Variants in MCF2L observed in about 807,000 individuals in gnomAD.
MCF2L encodes the protein MCF.2 cell line derived transforming sequence like.
A neutral mutation model predicts 153.4 loss-of-function variants in MCF2L; 97 were observed. That is an observed-to-expected ratio of 0.63 (90% CI 0.54 to 0.75). The LOEUF (loss-of-function observed/expected upper bound fraction) is 0.75, where lower values mean the gene tolerates loss of function less well. MCF2L is among the 30% of genes least tolerant of loss of function. The pLI is 0.00. For synonymous variants in MCF2L, 659 were observed against 632.2 expected (o/e 1.04, Z -0.64); for missense variants, 1,347 against 1,495.2 (o/e 0.90, Z 1.64).
At chr13:113,049,197 G>A (rs546784692) in intron 4 of MCF2L, among the ~76,000 whole-genome samples, 3 of 152,316 alleles carry the variant, frequency 2.0e-5, no homozygotes, top group East Asian at 1.9e-4. Context: ...GGCAGGAGGC[G>A]GGCAGTGGTG....
chr13:112,906,688 T>G (rs758588605), intron 2 of MCF2L, among the ~76,000 whole-genome samples: 91 of 152,222 alleles, frequency 6.0e-4, no homozygotes, highest in Non-Finnish European at 1.1e-3. Context: ...TTGTTCAGCC[T>G]CTTTGGAAGG....
Position 112,904,092 on chromosome 13 carries a change from G to A in MCF2L, c.169+1721G>A, listed in dbSNP as rs76319942. The stretch of plus-strand genomic sequence containing the variant: ...GCCTTTCCCTGAGCGCCCAAGTCTC[G>A]CGTGGACCAGCTCTGGGGACTGAGG... On this transcript the variant is annotated intron_variant, in intron 2 of 29. Transcript: ENST00000375608. The surrounding 1 kb of genome is among the most constrained non-coding windows in gnomAD (Gnocchi z 4.2). Among the ~76,000 whole-genome samples, 1 of 152,194 alleles carries A rather than the reference G, an allele frequency of 6.6e-6. No homozygotes were observed. The highest frequency in any genetic ancestry group is 1.5e-5 in the Non-Finnish European group (1 of 68,012).
At chr13:112,910,105 A>C (rs565873400) in intron 2 of MCF2L, 2 of 152,394 alleles carry the variant, frequency 1.3e-5, no homozygotes, top group South Asian at 4.1e-4. Context: ...ACACGTTCAT[A>C]GAAAGTGAAT....
intron 1 of MCF2L, among the ~76,000 whole-genome samples, chr13:112,970,040 G>T (rs1440608290): frequency 6.6e-6 from 1 of 152,162 alleles, no homozygotes; most frequent in Non-Finnish European, 1.5e-5. Flanking sequence ...AGTTCAGATC[G>T]ATTCTTTTAG....
Position 113,028,495 on chromosome 13 carries a change from C to T in MCF2L, c.278+3737C>T, listed in dbSNP as rs371236584. Among the ~76,000 whole-genome samples the T allele has an allele frequency of 7.9e-5, 12 of 152,308 alleles. No homozygotes were observed. The South Asian group carries it at 2.3e-3, about 29-fold the overall frequency. ...CCCACTCAGCCACCTCTGTAGATTG[C>T]GCATCTGTGAGTCGCACAGCCTGGT... On this transcript the variant is annotated intron_variant, in intron 3 of 29. Transcript: ENST00000535094. The surrounding 1 kb of genome is among the most constrained non-coding windows in gnomAD (Gnocchi z 5.4).
chr13:112,955,853 C>T (rs1013086176), intron 2 of MCF2L, among the ~76,000 whole-genome samples: 1 of 152,166 alleles, frequency 6.6e-6, no homozygotes, highest in Non-Finnish European at 1.5e-5. Context: ...TCCCCAGAAA[C>T]GCTGGAGAAT....
intron 21 of MCF2L, among the ~76,000 whole-genome samples, chr13:113,086,755 A>G (rs2034673824): frequency 6.6e-6 from 1 of 151,538 alleles, no homozygotes; most frequent in Non-Finnish European, 1.5e-5. Context: ...TTTTTTTTTA[A>G]CTAATAGAGT....
chr13:113,016,303 C>G lies in MCF2L; in HGVS notation c.163+1457C>G, dbSNP rs9577421. On this transcript the variant is annotated intron_variant, in intron 2 of 29. Coordinates refer to ENST00000535094, the MANE Select transcript of MCF2L (RefSeq NM_001112732.3). ...AAGAAGGATTTGACACAAGGGGGTT[C>G]TCTGTGTGGCCCCGAAGGAGGCAGA... Among the ~76,000 whole-genome samples the G allele has an allele frequency of 1.2e-3, 188 of 152,326 alleles. 3 individuals are homozygous for G. The East Asian group carries it at 0.033, about 27-fold the overall frequency.
At chr13:112,966,020 C>T (rs1594395587), upstream of MCF2L, 1 of 152,244 alleles carries the variant, frequency 6.6e-6, no homozygotes, top group Admixed American at 6.5e-5. This position sits in a 1 kb window ranked among gnomAD's most constrained non-coding sequence, Gnocchi z 4.1. Flanking sequence ...TGGGGCAAGT[C>T]GCTGAACCTC....
chr13:113,029,512 G>A (rs1461621460), intron 3 of MCF2L, among the ~76,000 whole-genome samples: 1 of 152,208 alleles, frequency 6.6e-6, no homozygotes, highest in Non-Finnish European at 1.5e-5. Context: ...CTTGGCAGAG[G>A]GGACCGTCCC....
At chr13:113,060,499 C>T (rs894251740) in intron 4 of MCF2L, 94 bp from the exon 5 acceptor site, 68 of 1,484,220 alleles carry the variant, frequency 4.6e-5, no homozygotes, top group Non-Finnish European at 5.6e-5. Context: ...GCTAGCTGCG[C>T]GCCCCCGGTC....
intron 1 of MCF2L, among the ~76,000 whole-genome samples, chr13:112,894,829 C>G (rs1391331870): frequency 6.6e-6 from 1 of 151,980 alleles, no homozygotes; most frequent in Non-Finnish European, 1.5e-5. Context: ...TCTGCCCACC[C>G]CTTCCTGCCA....
chr13:112,987,873 A>G (rs1370108534), intron 1 of MCF2L, among the ~76,000 whole-genome samples: 3 of 152,250 alleles, frequency 2.0e-5, no homozygotes, highest in Non-Finnish European at 2.9e-5. Flanking sequence ...AGAAATGACC[A>G]GAACTGACCC....
At chr13:113,026,883 G>A in intron 3 of MCF2L, 1 of 751,836 alleles carries the variant, frequency 1.3e-6, no homozygotes, top group South Asian at 1.4e-5. Flanking sequence ...GGGCAGGAGA[G>A]CAGCATCAGG....
At position 113,016,332 on chromosome 13, in the gene MCF2L, C is replaced by T. The variant is rs932646112; in HGVS notation, c.163+1486C>T. On this transcript the variant is annotated intron_variant, in intron 2 of 29. Transcript: ENST00000535094. ...GTGTGGCCCCGAAGGAGGCAGAGGC[C>T]GCCTGACCAGGACAAGAGCCGCCCC... Among the ~76,000 whole-genome samples the T allele has an allele frequency of 3.3e-5, 5 of 152,166 alleles. No homozygotes were observed. In the East Asian group the frequency reaches 7.7e-4, roughly 23 times the overall value.
chr13:112,956,524 C>T (rs1421506450), intron 2 of MCF2L: 2 of 152,230 alleles, frequency 1.3e-5, no homozygotes, highest in Non-Finnish European at 2.9e-5. Flanking sequence ...TTGTTAAAAT[C>T]GAGCAATGCT....
At chr13:112,912,273 G>T (rs190895663) in intron 2 of MCF2L, among the ~76,000 whole-genome samples, 1 of 152,178 alleles carries the variant, frequency 6.6e-6, no homozygotes, top group East Asian at 1.9e-4. Flanking sequence ...GAGTGTCCGG[G>T]GACATTGGCA....
At position 112,970,048 on chromosome 13, in the gene MCF2L, T is replaced by C. The variant is rs114024706; in HGVS notation, c.79+590T>C. ...GAAGAGTAGTTCAGATCGATTCTTT[T>C]AGGTGTAAGCAGAGACTGGGCTGAC... On this transcript the variant is annotated intron_variant, in intron 1 of 29. Transcript: ENST00000535094. 4.4e-3 allele frequency among the ~76,000 whole-genome samples: 669 copies of C among 152,308 alleles called. 4 individuals are homozygous for C. The highest frequency in any genetic ancestry group is 0.015 in the African/African-American group (640 of 41,558).
At chr13:113,049,772 T>C (rs2087088602) in intron 4 of MCF2L, among the ~76,000 whole-genome samples, 3 of 152,218 alleles carry the variant, frequency 2.0e-5, no homozygotes, top group African/African-American at 7.2e-5. Context: ...ACGCAGCGCT[T>C]ACATAATGTG....
Sources: allele counts gnomAD v4.1 joint callset (sites outside exome capture counted in the v4.1 genomes callset), GRCh38; gene constraint gnomAD v4.1.1; non-coding constraint Gnocchi (gnomAD v3.1); transcripts MANE v1.5; gene names NCBI Gene and HGNC (gene_info 2026-07-23, HGNC 2026-07-21).